The following FAT3 variants were observed in gnomAD, a reference collection of about 807,000 sequenced individuals.
FAT3 encodes the protein protocadherin Fat 3.
FAT3 carries 95 observed loss-of-function variants against 310.2 expected under a neutral mutation model. That is an observed-to-expected ratio of 0.31 (90% CI 0.26 to 0.36). The LOEUF (loss-of-function observed/expected upper bound fraction) is 0.36. Among genes scored for constraint, FAT3 ranks in the 10% least tolerant of loss-of-function variants. FAT3 has a pLI of 1.00. For synonymous variants in FAT3, 2,314 were observed against 2,192.9 expected, an observed-to-expected ratio of 1.06 and a Z score of -1.54; for missense variants, 5,408 against 5,715.6, an observed-to-expected ratio of 0.95 and a Z score of 1.74.
chr11:92,495,575 TA>T (rs1952729392), intron 2 of FAT3, among the ~76,000 whole-genome samples: 1 of 152,080 alleles, frequency 6.6e-6, no homozygotes, highest in African/African-American at 2.4e-5. Context: ...GAAAGTTGTT[TA>T]CTGAGACACC....
chr11:92,676,988 G>A (rs1405882050), intron 3 of FAT3, among the ~76,000 whole-genome samples: 2 of 152,166 alleles, frequency 1.3e-5, no homozygotes, highest in African/African-American at 4.8e-5. Context: ...TGGGACTTTA[G>A]GCTACTAAAG....
chr11:92,416,815 A>G (rs945879077), intron 2 of FAT3, among the ~76,000 whole-genome samples: 2 of 152,194 alleles, frequency 1.3e-5, no homozygotes, highest in African/African-American at 4.8e-5. Context: ...GACTCTTTGG[A>G]TGGCTCCTCT....
At chr11:92,770,127 C>T (rs1017686431) in intron 6 of FAT3, among the ~76,000 whole-genome samples, 1 of 152,182 alleles carries the variant, frequency 6.6e-6, no homozygotes, top group Non-Finnish European at 1.5e-5. Flanking sequence ...ATTCAACTGA[C>T]ATCAAACACT....
Position 92,896,257 on chromosome 11 carries a change from T to C in FAT3, c.*5144T>C, listed in dbSNP as rs1950030023. 1 of 151,718 alleles carries C rather than the reference T, an allele frequency of 6.6e-6. No individual in the cohort carries two copies. Among genetic ancestry groups the C allele is most frequent in the African/African-American group, 2.4e-5 (1 of 41,274 alleles). 9.4% of individuals were successfully genotyped at this position (151,718 alleles called of 1,614,324 possible). ...TTTTGTCCCTTAAGGAAATGGATTG[T>C]TCCTGCATATATTGCTGGTGGCAGT... On this transcript the variant is annotated 3_prime_UTR_variant, in exon 28 of 28. Transcript: ENST00000525166.
chr11:92,774,595 T>C (rs1946549082), intron 7 of FAT3, among the ~76,000 whole-genome samples: 1 of 152,206 alleles, frequency 6.6e-6, no homozygotes, highest in Non-Finnish European at 1.5e-5. Context: ...TCCAAATTCA[T>C]TTATAGACTT....
intron 19 of FAT3, among the ~76,000 whole-genome samples, chr11:92,854,912 C>T (rs1948929657): frequency 6.6e-6 from 1 of 152,198 alleles, no homozygotes; most frequent in Non-Finnish European, 1.5e-5. Context: ...AGGGAAAGGG[C>T]ATGTCCACAG....
At chr11:92,375,753 G>T (rs1426922007) in intron 2 of FAT3, among the ~76,000 whole-genome samples, 1 of 152,080 alleles carries the variant, frequency 6.6e-6, no homozygotes, top group Non-Finnish European at 1.5e-5. Context: ...AGTTGACTTT[G>T]TTTGCACTTT....
intron 3 of FAT3, among the ~76,000 whole-genome samples, chr11:92,661,362 G>T (rs1446801045): frequency 6.6e-6 from 1 of 152,174 alleles, no homozygotes; most frequent in Non-Finnish European, 1.5e-5. Flanking sequence ...TTGAACCCTG[G>T]CAGTCATCCA....
At chr11:92,778,663 T>C (rs990550806) in intron 7 of FAT3, among the ~76,000 whole-genome samples, 1 of 152,198 alleles carries the variant, frequency 6.6e-6, no homozygotes, top group Admixed American at 6.5e-5. Context: ...AATGGGTATG[T>C]GATCTAAAAA....
rs974761763 is a variant in FAT3 at position 92,561,778 on chromosome 11, A to C, written c.3607+36830A>C. ...GTATCTGGGATTGCAGGCGTGCACC[A>C]CCACACCCAGCTAATTTTTGTATTT... On this transcript the variant is annotated intron_variant, in intron 3 of 27. Transcript: ENST00000525166. Among the ~76,000 whole-genome samples the C allele has an allele frequency of 3.9e-5, 6 of 152,100 alleles. No homozygotes were observed. In the East Asian group the frequency reaches 1.2e-3, roughly 29 times the overall value.
chr11:92,574,406 G>A (rs1310700676), intron 3 of FAT3, among the ~76,000 whole-genome samples: 2 of 152,294 alleles, frequency 1.3e-5, no homozygotes, highest in African/African-American at 4.8e-5. Context: ...TAACCTGGCA[G>A]CAGACTCTAG....
At position 92,353,708 on chromosome 11, in the gene FAT3, A is replaced by G. The variant is rs374543035; in HGVS notation, c.1596A>G (p.Glu532=). 6.3e-5 allele frequency: 101 copies of G among 1,613,840 alleles called. No individual in the cohort carries two copies. The highest frequency in any genetic ancestry group is 7.9e-5 in the Non-Finnish European group (93 of 1,179,892). Residue 532 remains glutamate, a synonymous_variant, in exon 2 of 28, where the codon GAA becomes GAG. Transcript: ENST00000525166. ...NQFTGVISTT[E]ELDFESSPEI... is the part of the protein sequence containing the mutation. ...TTACAGGTGTTATTAGCACAACTGA[A>G]GAACTGGATTTTGAATCCTCCCCAG... is the stretch of plus-strand genomic sequence containing the variant.
At chr11:92,424,996 C>A (rs1421203825) in intron 2 of FAT3, among the ~76,000 whole-genome samples, 2 of 152,058 alleles carry the variant, frequency 1.3e-5, no homozygotes. Flanking sequence ...GGTGACTTAA[C>A]AACACTTTCC....
intron 20 of FAT3, among the ~76,000 whole-genome samples, chr11:92,858,291 A>T (rs988725992): frequency 6.6e-6 from 1 of 152,216 alleles, no homozygotes; most frequent in African/African-American, 2.4e-5. Context: ...GCTTAGAATT[A>T]CAGGAAAATT....
At chr11:92,794,315 A>T (rs935686181) in intron 9 of FAT3, among the ~76,000 whole-genome samples, 1 of 152,258 alleles carries the variant, frequency 6.6e-6, no homozygotes, top group Middle Eastern at 3.4e-3. Context: ...AACTCTTTTT[A>T]TTCTTTCTAT....
At chr11:92,710,999 T>A (rs1409052895) in intron 4 of FAT3, among the ~76,000 whole-genome samples, 1 of 152,214 alleles carries the variant, frequency 6.6e-6, no homozygotes, top group Non-Finnish European at 1.5e-5. Context: ...ATCATGTAAC[T>A]ATGATCATAT....
At chr11:92,285,830 G>A (rs1946548721) in intron 1 of FAT3, among the ~76,000 whole-genome samples, 1 of 152,120 alleles carries the variant, frequency 6.6e-6, no homozygotes, top group Non-Finnish European at 1.5e-5. Context: ...GTTGAATTAA[G>A]GTAGCAGAGG....
intron 13 of FAT3, among the ~76,000 whole-genome samples, chr11:92,822,478 C>G (rs1258095945): frequency 1.3e-5 from 2 of 152,168 alleles, no homozygotes; most frequent in African/African-American, 4.8e-5. Flanking sequence ...AGCTTTGACT[C>G]CCTGCCTCTC....
At chr11:92,719,075 A>G (rs1944777116) in intron 4 of FAT3, among the ~76,000 whole-genome samples, 1 of 152,160 alleles carries the variant, frequency 6.6e-6, no homozygotes, top group Non-Finnish European at 1.5e-5. Flanking sequence ...TAGGTTCCTG[A>G]TATTTATTGA....
Sources: gnomAD v4.1 joint callset for allele counts (sites outside exome capture counted in the v4.1 genomes callset) on GRCh38, gnomAD v4.1.1 for gene constraint, MANE v1.5 for transcripts, NCBI Gene and HGNC (gene_info 2026-07-23, HGNC 2026-07-21) for gene names.